ITGA9: variants seen among roughly 807,000 people sequenced by gnomAD.
ITGA9 encodes the protein integrin alpha-9.
ITGA9 carries 56 observed loss-of-function variants against 127.8 expected under a neutral mutation model. That is an observed-to-expected ratio of 0.44 (90% CI 0.35 to 0.55). The LOEUF is 0.55. Among genes scored for constraint, ITGA9 ranks in the 20% least tolerant of loss-of-function variants. The pLI is 0.00. For synonymous variants in ITGA9, 508 were observed against 514.5 expected (o/e 0.99, Z 0.17); for missense variants, 1,196 against 1,347.1 (o/e 0.89, Z 1.76).
chr3:37,692,398 TGAGA>T lies in ITGA9; in HGVS notation c.2067+8395_2067+8398del, dbSNP rs75412955. Among the ~76,000 whole-genome samples the T allele has an allele frequency of 5.2e-3, 758 of 144,626 alleles. 2 individuals carry two copies. The highest frequency in any genetic ancestry group is 0.014 in the Middle Eastern group (4 of 284). 94.9% of individuals were successfully genotyped at this position (144,626 alleles called of 152,430 possible). On this transcript the variant is annotated intron_variant, in intron 18 of 27. Coordinates refer to ENST00000264741, the MANE Select transcript of ITGA9 (RefSeq NM_002207.3). The stretch of plus-strand genomic sequence containing the variant: ...ATCAGTCATTGTCTTAATGAAGGAT[TGAGA>T]GAGAGAGAGAGTGTGTGTGTGTGTG...
At chr3:37,581,074 A>T (rs1699704963) in intron 15 of ITGA9, among the ~76,000 whole-genome samples, 1 of 152,140 alleles carries the variant, frequency 6.6e-6, no homozygotes, top group Non-Finnish European at 1.5e-5. Flanking sequence ...CTAAACTAAG[A>T]AGTTTGGATT....
intron 1 of ITGA9, among the ~76,000 whole-genome samples, chr3:37,462,997 T>A (rs1462115172): frequency 6.6e-6 from 1 of 152,214 alleles, no homozygotes; most frequent in Non-Finnish European, 1.5e-5. Flanking sequence ...TAGGGCCTAT[T>A]CTACTACTCC....
chr3:37,533,173 G>T (rs762275722), intron 13 of ITGA9, 141 bp from the exon 14 acceptor site: 77 of 790,360 alleles, frequency 9.7e-5, no homozygotes, highest in Middle Eastern at 4.7e-4. Context: ...GAACATACTA[G>T]CCCTTCTCTC....
In ITGA9 at chr3:37,816,714, G is replaced by A. The variant is rs530118668; in HGVS notation, c.3010-2177G>A. Among the ~76,000 whole-genome samples, 20 of 152,288 alleles carry A rather than the reference G, an allele frequency of 1.3e-4. No homozygotes were observed. In the East Asian group the frequency reaches 3.9e-3, roughly 29 times the overall value. On this transcript the variant is annotated intron_variant, in intron 27 of 27. Transcript: ENST00000264741. ...AGGAGAGAAAAGTATATGTGTGGGG[G>A]CGTCAGAACATGGCATTCTGATGAA...
intron 26 of ITGA9, among the ~76,000 whole-genome samples, chr3:37,795,512 A>G (rs1006210461): frequency 1.3e-5 from 2 of 152,224 alleles, no homozygotes; most frequent in Non-Finnish European, 2.9e-5. Context: ...CTACAGAAGC[A>G]GGCAGGGTGC....
At chr3:37,523,431 G>A (rs973436709) in intron 11 of ITGA9, 90 bp from the exon 12 acceptor site, 2 of 990,802 alleles carry the variant, frequency 2.0e-6, no homozygotes, top group Non-Finnish European at 3.3e-6. Flanking sequence ...AAGACCAAGT[G>A]TCCTAGGGAA....
intron 16 of ITGA9, among the ~76,000 whole-genome samples, chr3:37,651,847 G>C (rs1700432283): frequency 6.6e-6 from 1 of 152,196 alleles, no homozygotes; most frequent in Non-Finnish European, 1.5e-5. Context: ...TAGCTGGCAT[G>C]AGAAAGCCAG....
chr3:37,502,249 A>C (rs898082027), intron 5 of ITGA9, among the ~76,000 whole-genome samples: 3 of 112,632 alleles, frequency 2.7e-5, no homozygotes, highest in Admixed American at 1.3e-4. Flanking sequence ...GAGTCTTGCT[A>C]TGTCACCCAG....
rs1697476813 is a variant in ITGA9, at chr3:37,818,954, G to A, written c.3073G>A (p.Glu1025Lys). The part of the protein sequence containing the change: ...IEAEKNRKEN[E>K]DSWDWVQKNQ ...AGCTGAGAAGAACCGGAAAGAGAAT[G>A]AAGACAGTTGGGACTGGGTCCAGAA... Residue 1025 changes from glutamate (E) to lysine (K), a missense_variant, in exon 28 of 28, where the codon GAA becomes AAA. Glu to Lys is a moderately conservative substitution (Grantham distance 56). Coordinates refer to ENST00000264741, the MANE Select transcript of ITGA9 (RefSeq NM_002207.3). The A allele has an allele frequency of 1.2e-6, 2 of 1,614,046 alleles. No homozygotes were observed. Among genetic ancestry groups the A allele is most frequent in the African/African-American group, 2.7e-5 (2 of 74,940 alleles).
At chr3:37,637,936 G>C (rs994695224) in intron 16 of ITGA9, among the ~76,000 whole-genome samples, 1 of 152,186 alleles carries the variant, frequency 6.6e-6, no homozygotes, top group African/African-American at 2.4e-5. Context: ...ACCTCCCAAA[G>C]TGTTGGGATT....
chr3:37,585,178 C>T (rs767255707), intron 15 of ITGA9, among the ~76,000 whole-genome samples: 9 of 152,166 alleles, frequency 5.9e-5, no homozygotes, highest in Non-Finnish European at 1.3e-4. Context: ...AACTGACCCC[C>T]CTTACTGTTG....
chr3:37,586,484 C>G (rs1473693535), intron 15 of ITGA9, among the ~76,000 whole-genome samples: 2 of 152,188 alleles, frequency 1.3e-5, no homozygotes, highest in Admixed American at 6.5e-5. Context: ...GCCTTGCTTT[C>G]TTACAGGTCA....
chr3:37,741,423 C>T (rs952542518), intron 20 of ITGA9, among the ~76,000 whole-genome samples: 1 of 152,228 alleles, frequency 6.6e-6, no homozygotes, highest in Non-Finnish European at 1.5e-5. Flanking sequence ...CACGACCCTC[C>T]TGTATGGCAT....
At chr3:37,697,970 A>G (rs1254940800) in intron 18 of ITGA9, among the ~76,000 whole-genome samples, 3 of 152,128 alleles carry the variant, frequency 2.0e-5, no homozygotes, top group Non-Finnish European at 2.9e-5. Context: ...AAGCATTCCT[A>G]TTTCTCCACA....
intron 18 of ITGA9, among the ~76,000 whole-genome samples, chr3:37,709,831 G>A (rs531625863): frequency 1.3e-5 from 2 of 152,324 alleles, no homozygotes; most frequent in Non-Finnish European, 2.9e-5. Flanking sequence ...CATGAATCCA[G>A]GGTTTCTAAA....
chr3:37,777,911 C>T (rs1008106166), intron 24 of ITGA9, among the ~76,000 whole-genome samples: 2 of 152,206 alleles, frequency 1.3e-5, no homozygotes, highest in African/African-American at 4.8e-5. Context: ...AAAATGAGTA[C>T]TTGTGCTTCC....
chr3:37,684,392 T>TCA (rs1700762017), intron 18 of ITGA9, among the ~76,000 whole-genome samples: 1 of 152,242 alleles, frequency 6.6e-6, no homozygotes, highest in South Asian at 2.1e-4. Flanking sequence ...TAAGGGCAGA[T>TCA]CACTGCTTGT....
At chr3:37,493,752 G>A (rs767014256) in intron 4 of ITGA9, among the ~76,000 whole-genome samples, 60 of 152,182 alleles carry the variant, frequency 3.9e-4, no homozygotes, top group Non-Finnish European at 6.8e-4. Flanking sequence ...ATGAGGGACC[G>A]GTGAAATGAT....
intron 15 of ITGA9, among the ~76,000 whole-genome samples, chr3:37,601,605 A>G (rs1015647462): frequency 2.6e-5 from 4 of 152,228 alleles, no homozygotes; most frequent in Non-Finnish European, 5.9e-5. Context: ...AATTCCAGAA[A>G]GAATATTGAT....
Sources: allele counts gnomAD v4.1 joint callset (sites outside exome capture counted in the v4.1 genomes callset), GRCh38; gene constraint gnomAD v4.1.1; transcripts MANE v1.5; gene names NCBI Gene and HGNC (gene_info 2026-07-23, HGNC 2026-07-21).